The following TBC1D19 variants were observed in gnomAD, a reference collection of about 807,000 sequenced individuals.
The protein encoded by TBC1D19 is TBC1 domain family member 19.
TBC1D19 carries 60 observed loss-of-function variants against 89.0 expected under a neutral mutation model. That is an observed-to-expected ratio of 0.67 (90% confidence interval 0.55 to 0.84). The LOEUF is 0.84. Among genes scored for constraint, TBC1D19 ranks in the 40% least tolerant of loss-of-function variants. The pLI is 0.00. For synonymous variants in TBC1D19, 189 were observed against 199.7 expected (o/e 0.95, Z 0.45); for missense variants, 500 against 610.8 (o/e 0.82, Z 1.91).
At chr4:26,842,340 C>CTTTTTT in the TBC1D19 span, among the ~76,000 whole-genome samples, 2,009 of 81,566 alleles carry the variant, frequency 0.025, 7 homozygotes, top group Middle Eastern at 0.036. Context: ...CTTTTCTTTT[C>CTTTTTT]TTTTTTTTTT....
chr4:26,848,820 T>C, the TBC1D19 span, among the ~76,000 whole-genome samples: 1 of 152,224 alleles, frequency 6.6e-6, no homozygotes, highest in Non-Finnish European at 1.5e-5. Flanking sequence ...TTGCTTATTA[T>C]ATAGAAATAG....
chr4:26,651,224 TTA>T (rs1744351233), intron 7 of TBC1D19, among the ~76,000 whole-genome samples: 1 of 152,208 alleles, frequency 6.6e-6, no homozygotes, highest in Admixed American at 6.5e-5. Flanking sequence ...CATGCAAACT[TTA>T]TGGTAGTATT....
chr4:26,735,633 C>CTATGGGGAACT, intron 16 of TBC1D19, 146 bp downstream of exon 16: 2 of 601,610 alleles, frequency 3.3e-6, no homozygotes, highest in Non-Finnish European at 5.3e-6. Context: ...GCTAGTTCCC[C>CTATGGGGAACT]ATAGGGGCTT....
At chr4:26,618,759 G>A (rs573272413) in intron 3 of TBC1D19, among the ~76,000 whole-genome samples, 9 of 152,178 alleles carry the variant, frequency 5.9e-5, no homozygotes, top group Non-Finnish European at 1.2e-4. Flanking sequence ...TGGTGAATAG[G>A]TTGAAAACAG....
chr4:26,699,515 A>C (rs1029717778), intron 13 of TBC1D19, among the ~76,000 whole-genome samples: 1 of 152,224 alleles, frequency 6.6e-6, no homozygotes, highest in African/African-American at 2.4e-5. Context: ...ATTACTGGGT[A>C]TATACCCAAA....
chr4:26,757,689 C>G (rs1047573126), downstream of TBC1D19, among the ~76,000 whole-genome samples: 32 of 152,312 alleles, frequency 2.1e-4, no homozygotes, highest in African/African-American at 6.3e-4. Flanking sequence ...TCCTATTTTG[C>G]AGGGAAAATA....
intron 11 of TBC1D19, among the ~76,000 whole-genome samples, chr4:26,675,372 C>T (rs773403885): frequency 7.9e-5 from 12 of 151,954 alleles, no homozygotes; most frequent in Non-Finnish European, 1.3e-4. Context: ...ATTTTTACTA[C>T]TTGTAGGTGT....
the TBC1D19 span, among the ~76,000 whole-genome samples, chr4:26,773,380 G>T: frequency 2.6e-5 from 4 of 152,108 alleles, no homozygotes; most frequent in Non-Finnish European, 5.9e-5. Flanking sequence ...TTGTCAGATG[G>T]ATAGATTGCA....
chr4:26,734,952 ATATG>A (rs1717892051), intron 15 of TBC1D19, among the ~76,000 whole-genome samples: 1 of 59,082 alleles, frequency 1.7e-5, no homozygotes, highest in African/African-American at 4.5e-5. Context: ...ATGTATACAC[ATATG>A]TATATGTATA....
At chr4:26,796,713 A>T in the TBC1D19 span, among the ~76,000 whole-genome samples, 1 of 152,198 alleles carries the variant, frequency 6.6e-6, no homozygotes, top group Non-Finnish European at 1.5e-5. Context: ...AATGAAAATA[A>T]AAGTAAACAT....
chr4:26,829,810 A>C, the TBC1D19 span, among the ~76,000 whole-genome samples: 2 of 152,240 alleles, frequency 1.3e-5, no homozygotes, highest in South Asian at 4.1e-4. Flanking sequence ...ACATGTGGAC[A>C]AAGAGCATGG....
chr4:26,836,666 C>A, the TBC1D19 span, among the ~76,000 whole-genome samples: 4 of 152,192 alleles, frequency 2.6e-5, no homozygotes, highest in Admixed American at 2.6e-4. Flanking sequence ...GTGAAGACTG[C>A]TGGAAGTTGC....
At chr4:26,617,568 T>C (rs1741773126) in intron 3 of TBC1D19, among the ~76,000 whole-genome samples, 1 of 152,226 alleles carries the variant, frequency 6.6e-6, no homozygotes, top group African/African-American at 2.4e-5. Context: ...TAAATGACAT[T>C]GAGTCAGCAA....
At chr4:26,696,403 A>C (rs542645810) in intron 13 of TBC1D19, among the ~76,000 whole-genome samples, 1 of 152,204 alleles carries the variant, frequency 6.6e-6, no homozygotes, top group Non-Finnish European at 1.5e-5. Context: ...CCTCACGATA[A>C]TAATGGGAGA....
At position 26,619,207 on chromosome 4, in the gene TBC1D19, C is replaced by CT. The variant is rs780946990; in HGVS notation, c.219-1391dup. Among the ~76,000 whole-genome samples, 310 of 139,658 alleles carry CT rather than the reference C, an allele frequency of 2.2e-3. 1 individual carries two copies. The highest frequency in any genetic ancestry group is 7.1e-3 in the Admixed American group (99 of 13,982). 91.6% of individuals were successfully genotyped at this position (139,658 alleles called of 152,430 possible). A position where few individuals can be genotyped will look rare whatever the true frequency, so the allele number is the denominator to read the frequency against. On this transcript the variant is annotated intron_variant, in intron 3 of 20. Coordinates refer to ENST00000264866, the MANE Select transcript of TBC1D19 (RefSeq NM_018317.4). ...TCTCTCAAATTTTAATCCTAAATTT[C>CT]TTTTTTTTTTTTTTTGAGACGGAAT...
chr4:26,717,135 T>G (rs936263986), intron 13 of TBC1D19, among the ~76,000 whole-genome samples: 1 of 152,074 alleles, frequency 6.6e-6, no homozygotes, highest in South Asian at 2.1e-4. Context: ...CACAAGGATT[T>G]TTCCTCTCCC....
the TBC1D19 span, among the ~76,000 whole-genome samples, chr4:26,810,977 C>A: frequency 6.6e-6 from 1 of 152,156 alleles, no homozygotes; most frequent in Non-Finnish European, 1.5e-5. Flanking sequence ...ACCAGAAATA[C>A]CATTTGACCA....
chr4:26,796,648 A>G, the TBC1D19 span, among the ~76,000 whole-genome samples: 1 of 152,140 alleles, frequency 6.6e-6, no homozygotes, highest in African/African-American at 2.4e-5. Context: ...GCAGTGAGTG[A>G]TGACTACACC....
chr4:26,773,425 C>G, the TBC1D19 span, among the ~76,000 whole-genome samples: 1 of 152,164 alleles, frequency 6.6e-6, no homozygotes, highest in South Asian at 2.1e-4. Context: ...TGTCTGTTCA[C>G]TTTAATAATA....
Sources: allele counts gnomAD v4.1 joint callset (sites outside exome capture counted in the v4.1 genomes callset), GRCh38; gene constraint gnomAD v4.1.1; transcripts MANE v1.5; gene names NCBI Gene and HGNC (gene_info 2026-07-23, HGNC 2026-07-21).